Variants in AIG1 observed in about 807,000 individuals in gnomAD.
AIG1 encodes androgen-induced gene 1 protein.
Under a neutral mutation model 31.4 loss-of-function variants are expected in AIG1, and 23 were observed. The observed-to-expected ratio is 0.73, with a 90% CI of 0.53 to 1.04. The LOEUF is 1.04. Ranked by LOEUF, AIG1 falls within the 50% of genes least tolerant of loss-of-function variation. The pLI is 0.00. For synonymous variants in AIG1, 100 were observed against 110.5 expected (o/e 0.90, Z 0.60); for missense variants, 274 against 295.0 (o/e 0.93, Z 0.52).
chr6:143,060,706 G>A, upstream of AIG1: 1 of 437,530 alleles, frequency 2.3e-6, no homozygotes, highest in African/African-American at 2.1e-5. Flanking sequence ...CGGCAGTGGA[G>A]AGCGTCCGCA....
intron 3 of AIG1, among the ~76,000 whole-genome samples, chr6:143,282,052 A>C (rs1294363046): frequency 6.6e-6 from 1 of 152,242 alleles, no homozygotes; most frequent in Non-Finnish European, 1.5e-5. Context: ...CAGATGTCCT[A>C]TCTGGAAGAT....
At chr6:143,198,363 G>C (rs1253885621) in intron 3 of AIG1, among the ~76,000 whole-genome samples, 1 of 152,206 alleles carries the variant, frequency 6.6e-6, no homozygotes, top group East Asian at 1.9e-4. Flanking sequence ...AATGTCTGCT[G>C]ATCACCATCT....
upstream of AIG1, chr6:143,060,565 A>G: frequency 2.7e-6 from 1 of 369,808 alleles, no homozygotes; most frequent in Non-Finnish European, 5.9e-6. Flanking sequence ...CGTAGCACTC[A>G]GAGGTCGCAT....
chr6:143,250,404 T>C (rs1794930604), intron 3 of AIG1, among the ~76,000 whole-genome samples: 2 of 152,240 alleles, frequency 1.3e-5, no homozygotes, highest in Admixed American at 6.5e-5. Flanking sequence ...GAGTAGTTTA[T>C]ATTGAAATCT....
rs11391392 is a variant in AIG1, at chr6:143,340,459, A to AT, written c.*793dup. Among the ~76,000 whole-genome samples, 83,082 of 150,888 alleles carry AT rather than the reference A, an allele frequency of 0.55. 24,924 individuals carry two copies. Among genetic ancestry groups the AT allele is most frequent in the African/African-American group, 0.79 (32,700 of 41,152 alleles). Reference sequence around the variant, plus strand: ...AATCTTTTTGATAACTCCAAAACAAATTTTTTTTTTCTTTTTTTCCAGATG... The same window carrying AT: ...AATCTTTTTGATAACTCCAAAACAAATTTTTTTTTTTCTTTTTTTCCAGATG... On this transcript the variant is annotated 3_prime_UTR_variant, in exon 6 of 6. Transcript: ENST00000357847.
chr6:143,309,646 A>G (rs1052125425), intron 4 of AIG1, among the ~76,000 whole-genome samples: 20 of 152,158 alleles, frequency 1.3e-4, no homozygotes, highest in Admixed American at 6.5e-4. Flanking sequence ...TAATCCAGCT[A>G]TATCAATAAT....
chr6:143,286,915 C>G (rs1797716557), intron 4 of AIG1, among the ~76,000 whole-genome samples: 1 of 151,764 alleles, frequency 6.6e-6, no homozygotes, highest in Non-Finnish European at 1.5e-5. Flanking sequence ...ACTTTCCCCA[C>G]TGACTGGTTC....
chr6:143,250,830 G>T (rs1021659470), intron 3 of AIG1, among the ~76,000 whole-genome samples: 1 of 152,016 alleles, frequency 6.6e-6, no homozygotes, highest in East Asian at 1.9e-4. Context: ...GTTTTTTTGC[G>T]ATTTATTTTT....
chr6:143,133,821 A>G (rs980405754), intron 1 of AIG1, among the ~76,000 whole-genome samples: 6 of 152,094 alleles, frequency 3.9e-5, no homozygotes, highest in African/African-American at 1.4e-4. Context: ...TCTTGGACTT[A>G]TCCTCCATCA....
rs1001634568 is a variant in AIG1 at position 143,190,701 on chromosome 6, T to C, written c.399+25518T>C. The C allele has an allele frequency of 2.7e-5, 20 of 727,974 alleles. No homozygotes were observed. The African/African-American group carries it at 3.8e-4, about 14-fold the overall frequency. 45.1% of individuals were successfully genotyped at this position (727,974 alleles called of 1,614,324 possible). A position where few individuals can be genotyped will look rare whatever the true frequency, so the allele number is the denominator to read the frequency against. ...ACCTGTATTCTAACATGATGGGATG[T>C]TGTCTTCTTTGCTTTCCTATCTTAT... On this transcript the variant is annotated intron_variant, in intron 3 of 5. Transcript: ENST00000357847.
intron 3 of AIG1, among the ~76,000 whole-genome samples, chr6:143,217,516 C>T (rs890452523): frequency 1.3e-5 from 2 of 152,008 alleles, no homozygotes; most frequent in Non-Finnish European, 2.9e-5. Flanking sequence ...TATCTTTCCA[C>T]ATTTTTTTTT....
intron 3 of AIG1, among the ~76,000 whole-genome samples, chr6:143,203,788 C>A (rs1471499900): frequency 6.6e-6 from 1 of 152,102 alleles, no homozygotes; most frequent in Non-Finnish European, 1.5e-5. Context: ...AAAGAAGGGA[C>A]CTTATGAAGA....
chr6:143,243,821 A>G (rs1794427996), intron 3 of AIG1, among the ~76,000 whole-genome samples: 1 of 152,206 alleles, frequency 6.6e-6, no homozygotes, highest in Non-Finnish European at 1.5e-5. Context: ...TATCAAGCAC[A>G]CACCTCTATG....
intron 3 of AIG1, chr6:143,189,968 A>T: frequency 2.0e-6 from 1 of 504,052 alleles, no homozygotes; most frequent in South Asian, 8.6e-5. Context: ...ATCCTCTTCC[A>T]GATTACAGAC....
chr6:143,258,410 A>C lies in AIG1; in HGVS notation c.400-25700A>C, dbSNP rs1795513904. ...GCAATGCTGATTGTATGTGATTCCA[A>C]TGCAAAAATTTCTTCTTAGCCACTG... On this transcript the variant is annotated intron_variant, in intron 3 of 5. Transcript: ENST00000357847. This position sits in a 1 kb window ranked among gnomAD's most constrained non-coding sequence, Gnocchi z 4.7. 6.6e-6 allele frequency among the ~76,000 whole-genome samples: 1 copy of C among 152,268 alleles called. No homozygotes were observed. The highest frequency in any genetic ancestry group is 1.5e-5 in the Non-Finnish European group (1 of 68,046).
chr6:143,155,098 A>G (rs574282103), intron 2 of AIG1, among the ~76,000 whole-genome samples: 1 of 151,032 alleles, frequency 6.6e-6, no homozygotes, highest in East Asian at 2.0e-4. Context: ...GCCTCAAATG[A>G]TCCACCCACC....
intron 3 of AIG1, 127 bp from the exon 4 acceptor site, chr6:143,283,983 G>A (rs1797520201): frequency 3.4e-6 from 2 of 580,320 alleles, no homozygotes; most frequent in Non-Finnish European, 6.0e-6. Flanking sequence ...TCTTTGGCGA[G>A]CCATAGACTT....
intron 4 of AIG1, among the ~76,000 whole-genome samples, chr6:143,321,970 C>G (rs989839653): frequency 6.6e-6 from 1 of 152,024 alleles, no homozygotes; most frequent in Non-Finnish European, 1.5e-5. Context: ...GGCGCCAATA[C>G]GTATTTGTTG....
intron 4 of AIG1, among the ~76,000 whole-genome samples, chr6:143,290,899 A>G (rs1798018878): frequency 6.6e-6 from 1 of 152,066 alleles, no homozygotes; most frequent in Non-Finnish European, 1.5e-5. Flanking sequence ...TACTATCACC[A>G]AGGCCATCCA....
Sources: gnomAD v4.1 joint callset for allele counts (sites outside exome capture counted in the v4.1 genomes callset) on GRCh38, gnomAD v4.1.1 for gene constraint, Gnocchi (gnomAD v3.1) non-coding constraint, MANE v1.5 for transcripts, NCBI Gene and HGNC (gene_info 2026-07-23, HGNC 2026-07-21) for gene names.